The following SPAG16 variants were observed in gnomAD, a reference collection of about 807,000 sequenced individuals.
SPAG16 encodes sperm associated antigen 16, also known as sperm-associated antigen 16 protein.
In SPAG16, 86 loss-of-function variants were observed where a neutral mutation model predicts 80.4. The ratio of observed to expected loss-of-function variants is 1.07; its 90% CI spans 0.90 to 1.28. The LOEUF (loss-of-function observed/expected upper bound fraction) is 1.28. SPAG16 is among the 50% of genes most tolerant of loss of function. The probability of loss-of-function intolerance (pLI) is 0.00; values close to 1 mark genes in which losing one functional copy is unlikely to be tolerated. For missense variants in SPAG16, 870 were observed against 765.3 expected, an observed-to-expected ratio of 1.14 and a Z score of -1.61; for synonymous variants, 294 against 265.9, an observed-to-expected ratio of 1.11 and a Z score of -1.03.
chr2:213,947,420 T>G (rs1189259483), intron 12 of SPAG16, among the ~76,000 whole-genome samples: 1 of 152,172 alleles, frequency 6.6e-6, no homozygotes, highest in African/African-American at 2.4e-5. Flanking sequence ...TGGTTTTAAT[T>G]GGTATTTCTA....
intron 10 of SPAG16, among the ~76,000 whole-genome samples, chr2:213,767,981 A>C (rs745547965): frequency 1.1e-4 from 17 of 152,206 alleles, no homozygotes; most frequent in Non-Finnish European, 2.2e-4. Context: ...GCAGTGTGTC[A>C]AAGTGCTGCA....
chr2:214,138,259 T>A (rs2055165549), intron 14 of SPAG16, among the ~76,000 whole-genome samples: 1 of 152,120 alleles, frequency 6.6e-6, no homozygotes, highest in Admixed American at 6.6e-5. Context: ...TAGTAAGTTC[T>A]AGGGGAGATA....
chr2:213,875,069 C>T (rs562514072), intron 11 of SPAG16, among the ~76,000 whole-genome samples: 31 of 151,944 alleles, frequency 2.0e-4, no homozygotes, highest in African/African-American at 5.8e-4. Flanking sequence ...ACTCTCCATA[C>T]GACCTGGGAC....
intron 11 of SPAG16, among the ~76,000 whole-genome samples, chr2:213,925,980 C>A (rs550723706): frequency 1.1e-4 from 17 of 151,826 alleles, no homozygotes; most frequent in Non-Finnish European, 2.4e-4. Context: ...TTATTGACAC[C>A]ACTGTTTATC....
chr2:214,278,730 G>C (rs9288492), intron 15 of SPAG16, among the ~76,000 whole-genome samples: 1 of 151,978 alleles, frequency 6.6e-6, no homozygotes, highest in African/African-American at 2.4e-5. Context: ...ATTTGATTTT[G>C]GATTATGCCA....
chr2:214,156,373 G>A (rs1041117337), intron 15 of SPAG16, among the ~76,000 whole-genome samples: 5 of 152,156 alleles, frequency 3.3e-5, no homozygotes, highest in African/African-American at 1.2e-4. Flanking sequence ...CTGTTTTATA[G>A]TTGAGAAAAC....
At chr2:214,284,795 C>CTGTG (rs1693223815) in intron 15 of SPAG16, among the ~76,000 whole-genome samples, 2 of 83,624 alleles carry the variant, frequency 2.4e-5, no homozygotes, top group East Asian at 6.9e-4. Context: ...TAATATTTTA[C>CTGTG]TCTGTGTGTG....
chr2:213,382,474 T>C (rs953733305), intron 9 of SPAG16, among the ~76,000 whole-genome samples: 1 of 152,216 alleles, frequency 6.6e-6, no homozygotes, highest in African/African-American at 2.4e-5. Flanking sequence ...GGGCTTGTTA[T>C]AGGCTTCCTA....
At chr2:213,931,687 T>G (rs2078757793) in intron 12 of SPAG16, among the ~76,000 whole-genome samples, 1 of 152,172 alleles carries the variant, frequency 6.6e-6, no homozygotes, top group Non-Finnish European at 1.5e-5. Flanking sequence ...ACTTGACAAC[T>G]TTTCTTTATG....
At chr2:213,675,993 T>C (rs1355831068) in intron 10 of SPAG16, among the ~76,000 whole-genome samples, 1 of 152,194 alleles carries the variant, frequency 6.6e-6, no homozygotes, top group Non-Finnish European at 1.5e-5. Context: ...GCCAATTTCA[T>C]GATATTGATT....
At chr2:213,349,982 G>A (rs912588088) in intron 6 of SPAG16, among the ~76,000 whole-genome samples, 1 of 151,892 alleles carries the variant, frequency 6.6e-6, no homozygotes, top group South Asian at 2.1e-4. Flanking sequence ...AAGATTTTGA[G>A]GTCATTTTCA....
intron 10 of SPAG16, among the ~76,000 whole-genome samples, chr2:213,836,529 G>C (rs1356404981): frequency 6.6e-6 from 1 of 151,866 alleles, no homozygotes; most frequent in Non-Finnish European, 1.5e-5. Context: ...CTATCCAAAT[G>C]CTCTTTATAA....
At chr2:213,806,597 T>G (rs1022354837) in intron 10 of SPAG16, among the ~76,000 whole-genome samples, 1 of 152,150 alleles carries the variant, frequency 6.6e-6, no homozygotes, top group African/African-American at 2.4e-5. Context: ...GTAAATATCT[T>G]AATTAATTAT....
At chr2:213,927,598 A>C (rs1161307225) in intron 11 of SPAG16, among the ~76,000 whole-genome samples, 1 of 152,244 alleles carries the variant, frequency 6.6e-6, no homozygotes, top group Non-Finnish European at 1.5e-5. Context: ...TCTATATATT[A>C]AAAACTTATG....
intron 11 of SPAG16, among the ~76,000 whole-genome samples, chr2:213,903,514 C>G (rs2077306331): frequency 6.6e-6 from 1 of 152,118 alleles, no homozygotes; most frequent in South Asian, 2.1e-4. Flanking sequence ...ATGCAGGGCA[C>G]CGAGTCCCTA....
At chr2:213,868,311 A>G (rs1223718849) in intron 11 of SPAG16, among the ~76,000 whole-genome samples, 1 of 150,614 alleles carries the variant, frequency 6.6e-6, no homozygotes. Flanking sequence ...GGCCAGAAAC[A>G]TCAACAGAAT....
chr2:214,035,618 G>C (rs1182398276), intron 13 of SPAG16, among the ~76,000 whole-genome samples: 2 of 152,210 alleles, frequency 1.3e-5, no homozygotes, highest in Non-Finnish European at 2.9e-5. Flanking sequence ...TGCGCCAGGA[G>C]CAGGGAGAGG....
chr2:213,549,876 C>T (rs116499233), intron 10 of SPAG16, among the ~76,000 whole-genome samples: 3,398 of 152,102 alleles, frequency 0.022, 56 homozygotes, highest in Middle Eastern at 0.041. Flanking sequence ...TTGTGCTTTA[C>T]TTGGATATTT....
At chr2:214,127,175 T>G (rs1329808720) in intron 14 of SPAG16, among the ~76,000 whole-genome samples, 1 of 151,726 alleles carries the variant, frequency 6.6e-6, no homozygotes, top group Non-Finnish European at 1.5e-5. Flanking sequence ...CCCTCTGCCT[T>G]TCATATCTTG....
Sources: allele counts gnomAD v4.1 joint callset (sites outside exome capture counted in the v4.1 genomes callset), GRCh38; gene constraint gnomAD v4.1.1; transcripts MANE v1.5; gene names NCBI Gene and HGNC (gene_info 2026-07-23, HGNC 2026-07-21).